The following KCNT2 variants were observed in gnomAD, a reference collection of about 807,000 sequenced individuals.
KCNT2 encodes the protein potassium sodium-activated channel subfamily T member 2.
Under a neutral mutation model 153.8 loss-of-function variants are expected in KCNT2, and 67 were observed. The observed-to-expected ratio is 0.44, with a 90% CI of 0.36 to 0.53. The LOEUF is 0.53. Ranked by LOEUF, KCNT2 falls within the 20% of genes least tolerant of loss-of-function variation. The pLI, the probability that KCNT2 is intolerant of heterozygous loss-of-function variation, is 0.00. For missense variants in KCNT2, 975 were observed against 1,354.8 expected (o/e 0.72, Z 4.40); for synonymous variants, 500 against 458.8 (o/e 1.09, Z -1.15).
At chr1:196,467,890 T>A (rs1055988622) in intron 6 of KCNT2, 104 bp from the exon 7 acceptor site, 88 of 526,412 alleles carry the variant, frequency 1.7e-4, no homozygotes, top group African/African-American at 1.3e-3. Context: ...GAAAGTATAA[T>A]AATTTAAAAT....
rs188819863 is a variant in KCNT2 at position 196,228,244 on chromosome 1, G to C, written c.3388C>G (p.Arg1130Gly). The change falls in exon 28 of 28, where the codon CGG (arginine) becomes GGG (glycine). Residue 1130 changes from arginine to glycine, a missense_variant. By Grantham distance (125) the Arg-to-Gly change is moderately radical. Coordinates refer to ENST00000294725, the MANE Select transcript of KCNT2 (RefSeq NM_198503.5). ...SICNVTGQDS[R>G]EETQL Reference sequence around the variant, plus strand: ...TTTTATCAAAGTTGAGTTTCCTCCCGAGAATCTTGACCAGTGACATTGCAG... The same window carrying C: ...TTTTATCAAAGTTGAGTTTCCTCCCCAGAATCTTGACCAGTGACATTGCAG... 6.2e-7 allele frequency: 1 copy of C among 1,606,374 alleles called. No homozygotes were observed.
intron 1 of KCNT2, among the ~76,000 whole-genome samples, chr1:196,607,871 T>C (rs1341220237): frequency 1.3e-5 from 2 of 152,212 alleles, no homozygotes; most frequent in African/African-American, 4.8e-5. Flanking sequence ...GCAAATTTTC[T>C]GGAAATGATA....
chr1:196,591,654 A>C (rs532601474), intron 1 of KCNT2, among the ~76,000 whole-genome samples: 1 of 152,290 alleles, frequency 6.6e-6, no homozygotes, highest in East Asian at 1.9e-4. Context: ...TATAATAGTT[A>C]ATTTGTATGT....
chr1:196,450,829 A>G (rs750558757), intron 8 of KCNT2, among the ~76,000 whole-genome samples: 1 of 151,920 alleles, frequency 6.6e-6, no homozygotes, highest in African/African-American at 2.4e-5. Context: ...TCTTCAAATA[A>G]GTAAATAAAG....
intron 27 of KCNT2, among the ~76,000 whole-genome samples, chr1:196,232,586 A>G (rs1654047878): frequency 6.6e-6 from 1 of 151,620 alleles, no homozygotes; most frequent in Admixed American, 6.6e-5. Context: ...GGTGTAAGAA[A>G]AGCTTTTTTA....
intron 1 of KCNT2, among the ~76,000 whole-genome samples, chr1:196,565,802 G>T (rs1660037481): frequency 6.6e-6 from 1 of 151,648 alleles, no homozygotes; most frequent in Admixed American, 6.6e-5. Flanking sequence ...TAGAATAGTG[G>T]TTACTAGAGG....
chr1:196,291,971 A>C (rs1461569395), intron 22 of KCNT2, among the ~76,000 whole-genome samples: 1 of 152,202 alleles, frequency 6.6e-6, no homozygotes, highest in African/African-American at 2.4e-5. Flanking sequence ...AATAGTAATT[A>C]TATCAGAAAA....
chr1:196,444,577 A>C, intron 8 of KCNT2, among the ~76,000 whole-genome samples: 1 of 151,582 alleles, frequency 6.6e-6, no homozygotes, highest in Non-Finnish European at 1.5e-5. Context: ...TTCATCAAAA[A>C]GTCAACTGTA....
intron 12 of KCNT2, among the ~76,000 whole-genome samples, chr1:196,420,951 T>A (rs1219893566): frequency 6.6e-6 from 1 of 152,080 alleles, no homozygotes; most frequent in Admixed American, 6.6e-5. Context: ...ACTTTTCTTA[T>A]AGACTTCTAA....
chr1:196,370,484 TAGTC>T (rs1313390367), intron 14 of KCNT2, among the ~76,000 whole-genome samples: 1 of 152,026 alleles, frequency 6.6e-6, no homozygotes, highest in Admixed American at 6.6e-5. Flanking sequence ...GGAATTGTAT[TAGTC>T]AGAGTACTGG....
At chr1:196,395,556 T>C (rs1245323508) in intron 13 of KCNT2, among the ~76,000 whole-genome samples, 1 of 151,504 alleles carries the variant, frequency 6.6e-6, no homozygotes, top group Non-Finnish European at 1.5e-5. Context: ...CTTTTTAGTA[T>C]TATAATGGCA....
intron 18 of KCNT2, among the ~76,000 whole-genome samples, chr1:196,329,950 C>CATATAGATATATATATATAT (rs1664284652): frequency 1.4e-5 from 1 of 73,540 alleles, no homozygotes; most frequent in African/African-American, 6.7e-5. Flanking sequence ...TTCCTCAAGA[C>CATATAGATATATATATATAT]ATATATATAT....
At chr1:196,259,802 A>T (rs1209860507) in intron 25 of KCNT2, among the ~76,000 whole-genome samples, 2 of 151,944 alleles carry the variant, frequency 1.3e-5, no homozygotes, top group African/African-American at 2.4e-5. Context: ...TCTCTTCATT[A>T]TAAAATAATT....
intron 11 of KCNT2, among the ~76,000 whole-genome samples, chr1:196,424,293 C>T (rs911406596): frequency 2.6e-5 from 4 of 151,782 alleles, no homozygotes; most frequent in African/African-American, 4.8e-5. Flanking sequence ...TGGAAAGAAG[C>T]CTCCATGTAT....
chr1:196,523,054 G>A (rs1018638185), intron 1 of KCNT2, among the ~76,000 whole-genome samples: 1 of 152,142 alleles, frequency 6.6e-6, no homozygotes, highest in Non-Finnish European at 1.5e-5. Flanking sequence ...CACTCTTTGG[G>A]TCCACACTAC....
intron 8 of KCNT2, among the ~76,000 whole-genome samples, chr1:196,454,636 T>C (rs1419445605): frequency 2.0e-5 from 3 of 151,894 alleles, no homozygotes; most frequent in African/African-American, 7.2e-5. Flanking sequence ...TGTAGAATGA[T>C]TTATTTTCTC....
chr1:196,337,232 C>A (rs564010455), intron 16 of KCNT2, among the ~76,000 whole-genome samples: 1 of 151,542 alleles, frequency 6.6e-6, no homozygotes, highest in Non-Finnish European at 1.5e-5. Flanking sequence ...TTGCTTAATC[C>A]GAAAACCTTA....
intron 1 of KCNT2, among the ~76,000 whole-genome samples, chr1:196,530,416 T>A (rs1654788384): frequency 6.6e-6 from 1 of 151,908 alleles, no homozygotes; most frequent in Non-Finnish European, 1.5e-5. Context: ...TTTTGGTATA[T>A]CAACAGTATG....
At chr1:196,433,220 T>C (rs2148555648) in intron 8 of KCNT2, among the ~76,000 whole-genome samples, 1 of 152,214 alleles carries the variant, frequency 6.6e-6, no homozygotes, top group South Asian at 2.1e-4. Flanking sequence ...GGAATTTCTA[T>C]TGTTTATATA....
Sources: gnomAD v4.1 joint callset for allele counts (sites outside exome capture counted in the v4.1 genomes callset) on GRCh38, gnomAD v4.1.1 for gene constraint, MANE v1.5 for transcripts, NCBI Gene and HGNC (gene_info 2026-07-23, HGNC 2026-07-21) for gene names.